The following GALNT13 variants were observed in gnomAD, a reference collection of about 807,000 sequenced individuals.
The protein encoded by GALNT13 is UDP-GalNAc:polypeptide N-acetylgalactosaminyltransferase 13.
In GALNT13, 28 loss-of-function variants were observed where a neutral mutation model predicts 64.2. The ratio of observed to expected loss-of-function variants is 0.44; its 90% confidence interval spans 0.32 to 0.60. GALNT13 has a LOEUF of 0.60. Among genes scored for constraint, GALNT13 ranks in the 20% least tolerant of loss-of-function variants. GALNT13 has a pLI of 0.05. For missense variants in GALNT13, 577 were observed against 669.8 expected (o/e 0.86, Z 1.53); for synonymous variants, 214 against 224.6 (o/e 0.95, Z 0.42).
chr2:153,649,967 A>G, the GALNT13 span, among the ~76,000 whole-genome samples: 1 of 152,146 alleles, frequency 6.6e-6, no homozygotes, highest in Non-Finnish European at 1.5e-5. Context: ...GAGTCTGTAG[A>G]TGTCTATTAG....
intron 3 of GALNT13, among the ~76,000 whole-genome samples, chr2:154,085,022 T>A (rs1387295341): frequency 6.6e-6 from 1 of 151,880 alleles, no homozygotes; most frequent in Non-Finnish European, 1.5e-5. Flanking sequence ...ATTATAGAAG[T>A]TTTTCTGTAA....
At chr2:153,550,190 C>A in the GALNT13 span, among the ~76,000 whole-genome samples, 1 of 151,644 alleles carries the variant, frequency 6.6e-6, no homozygotes, top group Non-Finnish European at 1.5e-5. Flanking sequence ...TATTTCCATA[C>A]ATATTTGCAT....
intron 9 of GALNT13, among the ~76,000 whole-genome samples, chr2:154,337,712 A>T (rs879835124): frequency 6.6e-6 from 1 of 152,076 alleles, no homozygotes; most frequent in Non-Finnish European, 1.5e-5. Flanking sequence ...TTAATTGCCC[A>T]AGTCAAAATA....
chr2:153,801,083 T>A, the GALNT13 span, among the ~76,000 whole-genome samples: 2 of 152,140 alleles, frequency 1.3e-5, no homozygotes, highest in African/African-American at 2.4e-5. Flanking sequence ...TTTCATAGAA[T>A]TAAAGAGAGT....
At chr2:153,927,410 C>G (rs1166046897) in intron 2 of GALNT13, among the ~76,000 whole-genome samples, 1 of 151,948 alleles carries the variant, frequency 6.6e-6, no homozygotes, top group East Asian at 1.9e-4. Context: ...GTAATCTCTG[C>G]TTACCTGTTA....
At chr2:154,144,831 A>C (rs1483765099) in intron 4 of GALNT13, among the ~76,000 whole-genome samples, 1 of 151,960 alleles carries the variant, frequency 6.6e-6, no homozygotes, top group African/African-American at 2.4e-5. Context: ...TGTAATATCT[A>C]TCCCTAGGAA....
intron 1 of GALNT13, among the ~76,000 whole-genome samples, chr2:153,891,361 CT>C (rs1307413667): frequency 1.3e-4 from 19 of 151,562 alleles, no homozygotes; most frequent in Admixed American, 5.9e-4. Flanking sequence ...TTCCATGTGA[CT>C]TTTTTTTTCT....
chr2:153,488,763 C>A, the GALNT13 span, among the ~76,000 whole-genome samples: 1 of 152,192 alleles, frequency 6.6e-6, no homozygotes, highest in Non-Finnish European at 1.5e-5. Flanking sequence ...TTGACTGCCT[C>A]CCCTCCAAAA....
At chr2:153,240,054 G>T in the GALNT13 span, among the ~76,000 whole-genome samples, 3 of 151,994 alleles carry the variant, frequency 2.0e-5, no homozygotes, top group African/African-American at 7.2e-5. Flanking sequence ...TGGTAGGTTG[G>T]TTATCTAGCA....
At chr2:153,910,154 G>A (rs1183060125) in intron 2 of GALNT13, among the ~76,000 whole-genome samples, 1 of 151,412 alleles carries the variant, frequency 6.6e-6, no homozygotes, top group Non-Finnish European at 1.5e-5. Flanking sequence ...GTTTCTTCCT[G>A]GTTTAGTCAT....
At chr2:154,118,372 A>C (rs1681728879) in intron 3 of GALNT13, among the ~76,000 whole-genome samples, 1 of 149,184 alleles carries the variant, frequency 6.7e-6, no homozygotes, top group African/African-American at 2.5e-5. Flanking sequence ...ACTTGTGTGG[A>C]ATATCTTTTA....
At chr2:154,019,651 C>T (rs935827852) in intron 3 of GALNT13, among the ~76,000 whole-genome samples, 1 of 125,000 alleles carries the variant, frequency 8.0e-6, no homozygotes, top group Non-Finnish European at 1.8e-5. Context: ...CACACACACA[C>T]ACAAAAGCAA....
the GALNT13 span, among the ~76,000 whole-genome samples, chr2:153,145,436 T>C: frequency 6.6e-6 from 1 of 152,094 alleles, no homozygotes; most frequent in African/African-American, 2.4e-5. Flanking sequence ...GTTTAAAAAA[T>C]ATACCTAGTT....
the GALNT13 span, among the ~76,000 whole-genome samples, chr2:153,853,522 C>T: frequency 6.6e-6 from 1 of 151,696 alleles, no homozygotes; most frequent in East Asian, 1.9e-4. Context: ...AGCTAGCTAG[C>T]TAGAAATAGA....
intron 4 of GALNT13, among the ~76,000 whole-genome samples, chr2:154,186,575 A>G (rs1009560375): frequency 6.6e-6 from 1 of 152,262 alleles, no homozygotes; most frequent in East Asian, 1.9e-4. Context: ...ACAAATGTCA[A>G]CTCTGTGACA....
chr2:153,155,823 G>C, the GALNT13 span, among the ~76,000 whole-genome samples: 1 of 151,890 alleles, frequency 6.6e-6, no homozygotes, highest in South Asian at 2.1e-4. Context: ...ATAATTAAAA[G>C]AGGTTGAAAA....
chr2:154,065,791 A>T (rs1241462799), intron 3 of GALNT13, among the ~76,000 whole-genome samples: 1 of 152,308 alleles, frequency 6.6e-6, no homozygotes, highest in South Asian at 2.1e-4. Flanking sequence ...GAAGGCTACA[A>T]TTAATTCTGA....
At chr2:153,800,362 G>T in the GALNT13 span, among the ~76,000 whole-genome samples, 123 of 152,282 alleles carry the variant, frequency 8.1e-4, no homozygotes, top group South Asian at 4.4e-3. Context: ...ATTGCTGGCA[G>T]AGGATCTTGC....
the GALNT13 span, among the ~76,000 whole-genome samples, chr2:153,749,105 T>C: frequency 2.0e-5 from 3 of 152,210 alleles, no homozygotes; most frequent in Non-Finnish European, 4.4e-5. Context: ...CTAGTTTATG[T>C]TCTTGACACC....
Sources: gnomAD v4.1 joint callset for allele counts (sites outside exome capture counted in the v4.1 genomes callset) on GRCh38, gnomAD v4.1.1 for gene constraint, MANE v1.5 for transcripts, NCBI Gene and HGNC (gene_info 2026-07-23, HGNC 2026-07-21) for gene names.